FOXN1: variants seen among roughly 807,000 people sequenced by gnomAD.
FOXN1 encodes forkhead box N1.
A neutral mutation model predicts 49.0 loss-of-function variants in FOXN1; 15 were observed. The ratio of observed to expected loss-of-function variants is 0.31; its 90% CI spans 0.20 to 0.47. FOXN1 has a LOEUF of 0.47. Among genes scored for constraint, FOXN1 ranks in the 20% least tolerant of loss-of-function variants. The pLI is 1.00. For synonymous variants in FOXN1, 356 were observed against 369.0 expected, an observed-to-expected ratio of 0.96 and a Z score of 0.40; for missense variants, 800 against 842.8, an observed-to-expected ratio of 0.95 and a Z score of 0.63.
intron 1 of FOXN1, among the ~76,000 whole-genome samples, chr17:28,508,419 G>A (rs1448404440): frequency 6.6e-6 from 1 of 152,208 alleles, no homozygotes; most frequent in East Asian, 1.9e-4. Flanking sequence ...GCCATCCGTT[G>A]CCTCAGGGAA....
intron 1 of FOXN1, among the ~76,000 whole-genome samples, chr17:28,523,268 A>T (rs1203823447): frequency 6.6e-6 from 1 of 152,258 alleles, no homozygotes; most frequent in African/African-American, 2.4e-5. Flanking sequence ...CAGGTGGAAC[A>T]GCACTTGCCA....
chr17:28,524,409 G>T, intron 2 of FOXN1, 94 bp from the exon 3 acceptor site: 1 of 1,120,892 alleles, frequency 8.9e-7, no homozygotes. Context: ...CTCAGCCATA[G>T]ACCCCCTTTA....
chr17:28,510,621 T>A (rs1359511603), intron 1 of FOXN1, among the ~76,000 whole-genome samples: 2 of 151,188 alleles, frequency 1.3e-5, no homozygotes, highest in African/African-American at 4.9e-5. Context: ...CACATCGCTG[T>A]GATCAGAAAA....
chr17:28,537,115 A>G lies in FOXN1; in HGVS notation c.1628-2A>G. ...ACACCTGTTCTCTCCTTCCCCATCT[A>G]GGAAACCTGTGGGAACAGTTGAAGG... On this transcript the variant is annotated splice_acceptor_variant, in intron 8 of 8. Transcript: ENST00000579795. LOFTEE classifies it high-confidence loss of function. 1 of 1,613,510 alleles carries G rather than the reference A, an allele frequency of 6.2e-7. No homozygotes were observed. Among genetic ancestry groups the G allele is most frequent in the Non-Finnish European group, 8.5e-7 (1 of 1,179,500 alleles).
chr17:28,518,105 A>T (rs930322153), intron 1 of FOXN1, among the ~76,000 whole-genome samples: 1 of 151,896 alleles, frequency 6.6e-6, no homozygotes, highest in Non-Finnish European at 1.5e-5. Context: ...CACAGGGTAC[A>T]CACCTCCACA....
At chr17:28,510,269 CACACATACACACAGAG>C (rs1177722355) in intron 1 of FOXN1, among the ~76,000 whole-genome samples, 1 of 152,150 alleles carries the variant, frequency 6.6e-6, no homozygotes, top group East Asian at 1.9e-4. Context: ...AGCACAGAGA[CACACATACACACAGAG>C]ACACACACAC....
At chr17:28,512,795 G>C (rs1555607206) in intron 1 of FOXN1, among the ~76,000 whole-genome samples, 2 of 152,178 alleles carry the variant, frequency 1.3e-5, no homozygotes, top group African/African-American at 4.8e-5. Context: ...AGTAGCCAGG[G>C]AGGCAGGAGG....
intron 1 of FOXN1, among the ~76,000 whole-genome samples, chr17:28,508,643 T>G (rs782307896): frequency 1.8e-4 from 27 of 152,132 alleles, no homozygotes; most frequent in Non-Finnish European, 3.2e-4. Flanking sequence ...CAGAGACTGT[T>G]CTAAGTCACA....
At position 28,514,639 on chromosome 17, in the gene FOXN1, G is replaced by A. The variant is rs988988865; in HGVS notation, c.-15+8196G>A. Among the ~76,000 whole-genome samples the A allele has an allele frequency of 2.0e-5, 3 of 151,360 alleles. 1 individual carries two copies. Among genetic ancestry groups the A allele is most frequent in the East Asian group, 4.0e-4 (2 of 5,030 alleles). Reference sequence around the variant, plus strand: ...TGGGTGGGGCTACAGGCCAGCACCCGGCCGGCCGAGCCCCACCCCTCGTAA... The same window carrying A: ...TGGGTGGGGCTACAGGCCAGCACCCAGCCGGCCGAGCCCCACCCCTCGTAA... On this transcript the variant is annotated intron_variant, in intron 1 of 8. Transcript: ENST00000579795.
At position 28,537,862 on chromosome 17, in the gene FOXN1, C is replaced by A. The variant is rs2070109691; in HGVS notation, c.*426C>A. 3.5e-6 allele frequency: 1 copy of A among 283,738 alleles called. No individual in the cohort carries two copies. Among genetic ancestry groups the A allele is most frequent in the South Asian group, 3.9e-5 (1 of 25,574 alleles). 17.6% of individuals were successfully genotyped at this position (283,738 alleles called of 1,614,324 possible). A position where few individuals can be genotyped will look rare whatever the true frequency, so the allele number is the denominator to read the frequency against. On this transcript the variant is annotated 3_prime_UTR_variant, in exon 9 of 9. Transcript: ENST00000579795. ...AACTGAGAGCTGAGCGCTTTGCTTA[C>A]CAAAAGCTCAGGGCCCTGTGCCAGG...
At chr17:28,530,699 T>C in intron 5 of FOXN1, 50 bp from the exon 6 acceptor site, 1 of 1,065,882 alleles carries the variant, frequency 9.4e-7, no homozygotes, top group Non-Finnish European at 1.5e-6. Flanking sequence ...TGGGGTGGGC[T>C]CAGGACCCAG....
In FOXN1 at chr17:28,534,567, G is replaced by T. The variant is rs774212913; in HGVS notation, c.1135+29G>T. Reference sequence around the variant, plus strand: ...AGGCCGGCCGGGCCACGCAAGGAAGGGCCCAGGGTACTCATGAGCCAAAAA... The same window carrying T: ...AGGCCGGCCGGGCCACGCAAGGAAGTGCCCAGGGTACTCATGAGCCAAAAA... On this transcript the variant is annotated intron_variant, in intron 7 of 8. Coordinates refer to ENST00000579795, the MANE Select transcript of FOXN1 (RefSeq NM_001369369.1). The surrounding 1 kb of genome is among the most constrained non-coding windows in gnomAD (Gnocchi z 4.1). The T allele has an allele frequency of 4.1e-5, 66 of 1,609,742 alleles. No individual in the cohort carries two copies. The highest frequency in any genetic ancestry group is 2.4e-4 in the Admixed American group (14 of 59,328).
At chr17:28,514,788 G>A (rs1212908231) in intron 1 of FOXN1, among the ~76,000 whole-genome samples, 2 of 152,154 alleles carry the variant, frequency 1.3e-5, no homozygotes, top group African/African-American at 4.8e-5. Flanking sequence ...AGAGAGCCTG[G>A]GGAGGACCCT....
chr17:28,532,925 T>G (rs2069948956), intron 6 of FOXN1, among the ~76,000 whole-genome samples: 1 of 152,156 alleles, frequency 6.6e-6, no homozygotes, highest in African/African-American at 2.4e-5. Flanking sequence ...TGGCCTTAAC[T>G]CCTAGTGGAG....
intron 1 of FOXN1, among the ~76,000 whole-genome samples, chr17:28,523,130 TGCAGAAGGTCTGA>T (rs2069675880): frequency 6.6e-6 from 1 of 152,208 alleles, no homozygotes; most frequent in African/African-American, 2.4e-5. Context: ...CCCCTATGAT[TGCAGAAGGTCTGA>T]GCAGAAAAAG....
chr17:28,535,111 A>G lies in FOXN1; in HGVS notation c.1540A>G (p.Thr514Ala). The G allele has an allele frequency of 6.2e-7, 1 of 1,608,462 alleles. No homozygotes were observed. Among genetic ancestry groups the G allele is most frequent in the Non-Finnish European group, 8.5e-7 (1 of 1,176,346 alleles). ...KLLAEPSPARTMHDTLLPDGD... is the reference protein window; with the variant it reads ...KLLAEPSPARAMHDTLLPDGD... The stretch of plus-strand genomic sequence containing the variant: ...ACTGGCCGAGCCTTCCCCAGCCAGG[A>G]CTATGCACGACACCCTGCTGCCAGA... Residue 514 changes from threonine to alanine, a missense_variant, in exon 8 of 9, where the codon ACT becomes GCT. By Grantham distance (58) the Thr-to-Ala change is moderately conservative (BLOSUM62 0). Coordinates refer to ENST00000579795, the MANE Select transcript of FOXN1 (RefSeq NM_001369369.1).
chr17:28,509,909 C>CG (rs1406511287), intron 1 of FOXN1, among the ~76,000 whole-genome samples: 1 of 152,148 alleles, frequency 6.6e-6, no homozygotes, highest in South Asian at 2.1e-4. Context: ...TGCGCATCCC[C>CG]GGGTCTCTAC....
At position 28,529,129 on chromosome 17, in the gene FOXN1, C is replaced by T. The variant is rs374130313; in HGVS notation, c.735C>T (p.Tyr245=). 250 of 1,614,056 alleles carry T rather than the reference C, an allele frequency of 1.5e-4. 1 individual carries two copies. The highest frequency in any genetic ancestry group is 6.6e-5 in the South Asian group (6 of 91,086). ...SPGGGSYPIP[Y]LGSSHYQYQR... ...GTGGTGGCAGCTACCCCATACCCTA[C>T]CTGGGCTCCTCACACTATCAGTACC... The change falls in exon 5 of 9, where the codon TAC becomes TAT. Residue 245 remains tyrosine, a synonymous_variant. Transcript: ENST00000579795.
In FOXN1 at chr17:28,534,679, G is replaced by A; in HGVS notation, c.1136-28G>A. The A allele has an allele frequency of 6.2e-7, 1 of 1,613,056 alleles. No individual in the cohort carries two copies. Among genetic ancestry groups the A allele is most frequent in the Non-Finnish European group, 8.5e-7 (1 of 1,179,856 alleles). On this transcript the variant is annotated intron_variant, in intron 7 of 8. Coordinates refer to ENST00000579795, the MANE Select transcript of FOXN1 (RefSeq NM_001369369.1). This position sits in a 1 kb window ranked among gnomAD's most constrained non-coding sequence, Gnocchi z 4.1. ...AGACTGTGGAGGAGGGAGGTCTCAT[G>A]GTGTTCTTTCTCTCTTGGGCCTTTC...
Sources: allele counts gnomAD v4.1 joint callset (sites outside exome capture counted in the v4.1 genomes callset), GRCh38; gene constraint gnomAD v4.1.1; non-coding constraint Gnocchi (gnomAD v3.1); transcripts MANE v1.5; gene names NCBI Gene and HGNC (gene_info 2026-07-23, HGNC 2026-07-21).